The following ANO10 variants were observed in gnomAD, a reference collection of about 807,000 sequenced individuals.
ANO10 encodes the protein anoctamin-10.
ANO10 carries 77 observed loss-of-function variants against 74.7 expected under a neutral mutation model. That is an observed-to-expected ratio of 1.03 (90% CI 0.86 to 1.25). ANO10 has a LOEUF of 1.25. Among genes scored for constraint, ANO10 ranks in the 50% most tolerant of loss-of-function variants. The pLI is 0.00. For missense variants in ANO10, 721 were observed against 778.1 expected, an observed-to-expected ratio of 0.93 and a Z score of 0.87; for synonymous variants, 279 against 284.9, an observed-to-expected ratio of 0.98 and a Z score of 0.21.
intron 12 of ANO10, among the ~76,000 whole-genome samples, chr3:43,380,459 C>A (rs1245193400): frequency 1.3e-5 from 2 of 150,352 alleles, no homozygotes; most frequent in African/African-American, 2.5e-5. Flanking sequence ...TACAAAGGAA[C>A]CTATCAGATT....
At chr3:43,567,600 G>A (rs1403244956) in intron 7 of ANO10, among the ~76,000 whole-genome samples, 1 of 151,962 alleles carries the variant, frequency 6.6e-6, no homozygotes, top group Non-Finnish European at 1.5e-5. Context: ...ATAAGTGAAG[G>A]AGAAATAAAA....
intron 12 of ANO10, among the ~76,000 whole-genome samples, chr3:43,431,811 C>T (rs1156909099): frequency 1.3e-5 from 2 of 152,066 alleles, no homozygotes; most frequent in African/African-American, 2.4e-5. Context: ...AGCCCTCAGG[C>T]TTTGATCAAA....
chr3:43,519,328 TTA>T (rs1378374394), intron 11 of ANO10, among the ~76,000 whole-genome samples: 1 of 152,172 alleles, frequency 6.6e-6, no homozygotes, highest in Middle Eastern at 3.2e-3. Context: ...ACAGAGCACA[TTA>T]CATACAATTA....
At chr3:43,664,637 C>T (rs2083966274) in intron 1 of ANO10, among the ~76,000 whole-genome samples, 1 of 152,082 alleles carries the variant, frequency 6.6e-6, no homozygotes, top group Admixed American at 6.6e-5. Context: ...ATCCATCTGA[C>T]AACGGGCTAA....
intron 11 of ANO10, among the ~76,000 whole-genome samples, chr3:43,477,485 A>G (rs1234513162): frequency 6.6e-6 from 1 of 152,212 alleles, no homozygotes; most frequent in Non-Finnish European, 1.5e-5. Flanking sequence ...ATAATTGTTA[A>G]TAACAGCTGA....
At chr3:43,651,991 AAAG>A (rs1055389852) in intron 1 of ANO10, among the ~76,000 whole-genome samples, 4 of 152,204 alleles carry the variant, frequency 2.6e-5, no homozygotes, top group African/African-American at 9.7e-5. Context: ...GTTCCTTTTT[AAAG>A]AAGATCTAAA....
chr3:43,435,626 T>C (rs4547674), intron 11 of ANO10, among the ~76,000 whole-genome samples: 81,187 of 152,018 alleles, frequency 0.53, 22,509 homozygotes, highest in East Asian at 0.83. Flanking sequence ...CATCAACTAC[T>C]TCCTAACCTT....
chr3:43,521,948 T>C lies in ANO10; in HGVS notation c.1797+27772A>G, dbSNP rs530381360. 7.9e-4 allele frequency among the ~76,000 whole-genome samples: 120 copies of C among 152,314 alleles called. 1 individual carries two copies. The highest frequency in any genetic ancestry group is 1.3e-3 in the African/African-American group (54 of 41,578). ...AATTCAGTATATGCATACAATGACA[T>C]ATTATTTAGCCATAAAAAGGAATGA... On this transcript the variant is annotated intron_variant, in intron 11 of 12. Transcript: ENST00000292246.
chr3:43,683,628 C>A (rs969656614), intron 1 of ANO10, among the ~76,000 whole-genome samples: 2 of 152,162 alleles, frequency 1.3e-5, no homozygotes, highest in Non-Finnish European at 2.9e-5. Context: ...CCAAGTCAAT[C>A]CTGAGACAAA....
At chr3:43,563,593 A>C (rs778387583) in intron 8 of ANO10, among the ~76,000 whole-genome samples, 18 of 152,188 alleles carry the variant, frequency 1.2e-4, no homozygotes, top group Non-Finnish European at 2.6e-4. Context: ...AAGAAACAGA[A>C]TCAACCTCAG....
intron 7 of ANO10, among the ~76,000 whole-genome samples, chr3:43,570,456 A>C (rs2149380925): frequency 6.6e-6 from 1 of 151,876 alleles, no homozygotes; most frequent in Non-Finnish European, 1.5e-5. Flanking sequence ...ACAGTCACCA[A>C]AACAGCATGG....
At chr3:43,605,642 C>T in intron 2 of ANO10, 72 bp downstream of exon 2, 1 of 1,534,506 alleles carries the variant, frequency 6.5e-7, no homozygotes, top group Middle Eastern at 1.7e-4. Flanking sequence ...AGTGACTGAG[C>T]ATACAGTGTG....
chr3:43,476,012 A>C (rs2076053367), intron 11 of ANO10, among the ~76,000 whole-genome samples: 1 of 151,850 alleles, frequency 6.6e-6, no homozygotes, highest in African/African-American at 2.4e-5. Flanking sequence ...TTGTGGCTTT[A>C]TTTTCTTCAA....
At chr3:43,457,379 G>C (rs1046391499) in intron 11 of ANO10, among the ~76,000 whole-genome samples, 1 of 152,214 alleles carries the variant, frequency 6.6e-6, no homozygotes, top group Admixed American at 6.5e-5. Context: ...GCATGGCTGG[G>C]GAGGCCTCAG....
At chr3:43,393,833 G>C (rs898510228) in intron 12 of ANO10, among the ~76,000 whole-genome samples, 1 of 152,012 alleles carries the variant, frequency 6.6e-6, no homozygotes, top group Admixed American at 6.6e-5. Flanking sequence ...CCAATGCTCA[G>C]AGACTTTGGT....
intron 12 of ANO10, among the ~76,000 whole-genome samples, chr3:43,391,496 C>A (rs2092273755): frequency 6.6e-6 from 1 of 152,170 alleles, no homozygotes; most frequent in African/African-American, 2.4e-5. Flanking sequence ...CCCCAAGGAT[C>A]CCTGTGCCTC....
chr3:43,430,137 C>T (rs2092959117), intron 12 of ANO10, among the ~76,000 whole-genome samples: 1 of 151,978 alleles, frequency 6.6e-6, no homozygotes, highest in Non-Finnish European at 1.5e-5. Flanking sequence ...TCTTCATATG[C>T]TTTCCTTTCA....
At chr3:43,544,029 G>T (rs1376087718) in intron 11 of ANO10, among the ~76,000 whole-genome samples, 1 of 152,106 alleles carries the variant, frequency 6.6e-6, no homozygotes, top group Non-Finnish European at 1.5e-5. Flanking sequence ...TATTATCTAA[G>T]ATTTAATATT....
intron 12 of ANO10, among the ~76,000 whole-genome samples, chr3:43,401,721 C>T (rs968480637): frequency 3.3e-5 from 5 of 152,170 alleles, no homozygotes; most frequent in Non-Finnish European, 5.9e-5. Flanking sequence ...TAAATATGTT[C>T]TGTGATAGGA....
Sources: allele counts gnomAD v4.1 joint callset (sites outside exome capture counted in the v4.1 genomes callset), GRCh38; gene constraint gnomAD v4.1.1; transcripts MANE v1.5; gene names NCBI Gene and HGNC (gene_info 2026-07-23, HGNC 2026-07-21).